NALF1: variants seen among roughly 807,000 people sequenced by gnomAD.
The protein encoded by NALF1 is family with sequence similarity 155 member A.
Under a neutral mutation model 48.4 loss-of-function variants are expected in NALF1, and 3 were observed. The ratio of observed to expected loss-of-function variants is 0.06; its 90% CI spans 0.03 to 0.16. NALF1 has a LOEUF of 0.16. NALF1 is among the 10% of genes least tolerant of loss of function. NALF1 has a pLI of 1.00. For missense variants in NALF1, 526 were observed against 571.5 expected, an observed-to-expected ratio of 0.92 and a Z score of 0.81; for synonymous variants, 262 against 245.7, an observed-to-expected ratio of 1.07 and a Z score of -0.62.
chr13:107,219,408 C>T, intron 1 of NALF1, among the ~76,000 whole-genome samples: 1 of 152,110 alleles, frequency 6.6e-6, no homozygotes, highest in East Asian at 1.9e-4. Context: ...TTGGGCTCCA[C>T]ATCTTGAGTG....
intron 1 of NALF1, among the ~76,000 whole-genome samples, chr13:107,311,653 A>G (rs1328265893): frequency 6.6e-6 from 1 of 151,862 alleles, no homozygotes; most frequent in Admixed American, 6.6e-5. Flanking sequence ...ATGGGAGAAA[A>G]TTTTTGCAAC....
intron 1 of NALF1, among the ~76,000 whole-genome samples, chr13:107,537,908 C>T (rs1349869470): frequency 1.3e-5 from 2 of 152,090 alleles, no homozygotes; most frequent in Non-Finnish European, 2.9e-5. Context: ...ATCCCAGCTA[C>T]TCGAGACACT....
intron 1 of NALF1, chr13:107,835,601 T>TGAGCTTAGGG (rs1350662772): frequency 8.6e-5 from 13 of 151,590 alleles, no homozygotes; most frequent in Admixed American, 6.6e-4. Context: ...GGTATTCAAG[T>TGAGCTTAGGG]GAGCTTAGGG....
intron 1 of NALF1, among the ~76,000 whole-genome samples, chr13:107,564,513 A>G (rs1877739144): frequency 6.6e-6 from 1 of 152,262 alleles, no homozygotes; most frequent in East Asian, 1.9e-4. Flanking sequence ...GCTCATCCCC[A>G]GTGTAATAAA....
chr13:107,686,090 G>A (rs994846584), intron 1 of NALF1, among the ~76,000 whole-genome samples: 6 of 152,222 alleles, frequency 3.9e-5, no homozygotes, highest in African/African-American at 1.2e-4. Flanking sequence ...CGGGGGCCGG[G>A]GGCCAGCCTC....
At chr13:107,755,529 C>A (rs1381166697) in intron 1 of NALF1, among the ~76,000 whole-genome samples, 2 of 150,948 alleles carry the variant, frequency 1.3e-5, no homozygotes, top group Non-Finnish European at 2.9e-5. Context: ...CATTTTCATG[C>A]CAAAATTATT....
chr13:107,380,834 C>A (rs569742456), intron 1 of NALF1, among the ~76,000 whole-genome samples: 1 of 151,426 alleles, frequency 6.6e-6, no homozygotes, highest in African/African-American at 2.4e-5. Context: ...AAAAATTAGC[C>A]GGGCGTAGTG....
chr13:107,267,959 C>T (rs933110752), intron 1 of NALF1, among the ~76,000 whole-genome samples: 4 of 149,880 alleles, frequency 2.7e-5, no homozygotes, highest in African/African-American at 7.4e-5. Flanking sequence ...CAATTTAAAA[C>T]ACATGAATTG....
intron 1 of NALF1, among the ~76,000 whole-genome samples, chr13:107,354,530 G>A (rs1189454062): frequency 6.6e-6 from 1 of 152,044 alleles, no homozygotes; most frequent in Non-Finnish European, 1.5e-5. Context: ...GCAGCAAGGG[G>A]GAAACCTGAT....
At chr13:107,199,552 CAG>C (rs1382446552) in intron 2 of NALF1, among the ~76,000 whole-genome samples, 1 of 152,058 alleles carries the variant, frequency 6.6e-6, no homozygotes, top group Non-Finnish European at 1.5e-5. Flanking sequence ...ATTTGGAGAA[CAG>C]GGGATACAAT....
At chr13:107,527,392 C>G (rs114785739) in intron 1 of NALF1, among the ~76,000 whole-genome samples, 35 of 152,130 alleles carry the variant, frequency 2.3e-4, no homozygotes, top group African/African-American at 7.9e-4. Context: ...TAGATATGTT[C>G]GATTTTGGAA....
chr13:107,498,336 T>C (rs957761038), intron 1 of NALF1, among the ~76,000 whole-genome samples: 5 of 152,130 alleles, frequency 3.3e-5, no homozygotes, highest in South Asian at 2.1e-4. Flanking sequence ...CAGTAAGGAA[T>C]TGAAGAGCTT....
At chr13:107,356,314 C>A (rs1455527323) in intron 1 of NALF1, among the ~76,000 whole-genome samples, 1 of 152,052 alleles carries the variant, frequency 6.6e-6, no homozygotes, top group Non-Finnish European at 1.5e-5. Flanking sequence ...AAATGTAAAT[C>A]TACAACAACA....
chr13:107,558,635 C>T lies in NALF1; in HGVS notation c.915+307047G>A, dbSNP rs552059464. On this transcript the variant is annotated intron_variant, in intron 1 of 2. Coordinates refer to ENST00000375915, the MANE Select transcript of NALF1 (RefSeq NM_001080396.3). ...CGAGGTAGAGGTGGTGGAAGACATCCGGTGGTAGTAAATTTTATGTGTCCA... is the reference window on the plus strand; with the variant it reads ...CGAGGTAGAGGTGGTGGAAGACATCTGGTGGTAGTAAATTTTATGTGTCCA... 6.6e-5 allele frequency among the ~76,000 whole-genome samples: 10 copies of T among 152,098 alleles called. 1 individual carries two copies. Among genetic ancestry groups the T allele is most frequent in the Non-Finnish European group, 4.4e-5 (3 of 68,028 alleles).
chr13:107,770,450 T>C (rs952128782), intron 1 of NALF1, among the ~76,000 whole-genome samples: 35 of 152,294 alleles, frequency 2.3e-4, no homozygotes, highest in African/African-American at 6.7e-4. Flanking sequence ...AAATTATTCA[T>C]AGAATATAGA....
At chr13:107,289,895 C>A (rs1006248593) in intron 1 of NALF1, among the ~76,000 whole-genome samples, 4 of 152,094 alleles carry the variant, frequency 2.6e-5, no homozygotes, top group Non-Finnish European at 5.9e-5. Flanking sequence ...AATTAAAAGA[C>A]AAGCTATTTT....
At chr13:107,365,671 A>T (rs541419958) in intron 1 of NALF1, among the ~76,000 whole-genome samples, 2 of 152,360 alleles carry the variant, frequency 1.3e-5, no homozygotes, top group East Asian at 3.9e-4. Context: ...AATAAGTAGT[A>T]TCCCTGTAAT....
At chr13:107,771,797 C>T (rs939971269) in intron 1 of NALF1, among the ~76,000 whole-genome samples, 4 of 152,036 alleles carry the variant, frequency 2.6e-5, no homozygotes, top group Admixed American at 6.6e-5. Flanking sequence ...AGTGCAGTGG[C>T]GCGATCTCGG....
chr13:107,785,151 T>G (rs1334772384), intron 1 of NALF1, among the ~76,000 whole-genome samples: 3 of 151,990 alleles, frequency 2.0e-5, no homozygotes, highest in African/African-American at 7.3e-5. Context: ...TGTATATATA[T>G]ATGGTTTTGT....
Sources: gnomAD v4.1 joint callset for allele counts (sites outside exome capture counted in the v4.1 genomes callset) on GRCh38, gnomAD v4.1.1 for gene constraint, MANE v1.5 for transcripts, NCBI Gene and HGNC (gene_info 2026-07-23, HGNC 2026-07-21) for gene names.